The following CD163L1 variants were observed in gnomAD, a reference collection of about 807,000 sequenced individuals.
CD163L1 encodes scavenger receptor cysteine-rich type 1 protein M160.
A neutral mutation model predicts 165.4 loss-of-function variants in CD163L1; 124 were observed. The ratio of observed to expected loss-of-function variants is 0.75; its 90% confidence interval spans 0.65 to 0.87. The LOEUF (loss-of-function observed/expected upper bound fraction) is 0.87. Ranked by LOEUF, CD163L1 falls within the 40% of genes least tolerant of loss-of-function variation. The pLI, the probability that CD163L1 is intolerant of heterozygous loss-of-function variation, is 0.00. For synonymous variants in CD163L1, 585 were observed against 662.2 expected, an observed-to-expected ratio of 0.88 and a Z score of 1.79; for missense variants, 1,525 against 1,799.9, an observed-to-expected ratio of 0.85 and a Z score of 2.76.
intron 8 of CD163L1, among the ~76,000 whole-genome samples, chr12:7,386,346 A>AC (rs112999514): frequency 0.019 from 2,932 of 152,032 alleles, 87 homozygotes; most frequent in African/African-American, 0.064. Context: ...GACAAAGGAA[A>AC]CCCCAGGACT....
Position 7,398,641 on chromosome 12 carries a change from A to ATCTT in CD163L1, c.1409-58_1409-57insAAGA, listed in dbSNP as rs1260525399. ...TCAAATGAGAGAGTCTTTTCAGAAG[A>ATCTT]CTGAAAAGACTCTCTAAATTCACGA... On this transcript the variant is annotated intron_variant, in intron 6 of 19. Transcript: ENST00000313599. This position sits in a 1 kb window ranked among gnomAD's most constrained non-coding sequence, Gnocchi z 4.5. 41 of 1,377,702 alleles carry ATCTT rather than the reference A, an allele frequency of 3.0e-5. No individual in the cohort carries two copies. In the African/African-American group the frequency reaches 3.5e-4, roughly 12 times the overall value. 85.3% of individuals were successfully genotyped at this position (1,377,702 alleles called of 1,614,324 possible). A position where few individuals can be genotyped will look rare whatever the true frequency, so the allele number is the denominator to read the frequency against.
intron 8 of CD163L1, among the ~76,000 whole-genome samples, chr12:7,390,702 A>G (rs777546201): frequency 1.5e-4 from 23 of 152,334 alleles, no homozygotes; most frequent in Non-Finnish European, 2.8e-4. Context: ...GAGCTTAATG[A>G]TTCTTTAAAA....
chr12:7,392,976 C>G (rs905010602), intron 8 of CD163L1, among the ~76,000 whole-genome samples: 1 of 151,994 alleles, frequency 6.6e-6, no homozygotes, highest in African/African-American at 2.4e-5. Context: ...GATTCAGAGC[C>G]GAATTCTACC....
chr12:7,399,372 TTC>T (rs898830959), intron 6 of CD163L1, among the ~76,000 whole-genome samples: 1 of 63,178 alleles, frequency 1.6e-5, no homozygotes, highest in African/African-American at 7.4e-5. Context: ...TTCTCTTTCT[TTC>T]TCTGACTTCT....
intron 9 of CD163L1, among the ~76,000 whole-genome samples, chr12:7,376,371 A>G (rs974824784): frequency 6.6e-6 from 1 of 152,244 alleles, no homozygotes; most frequent in Non-Finnish European, 1.5e-5. Context: ...AAAGACTTCT[A>G]CTTACTGGTT....
the CD163L1 span, among the ~76,000 whole-genome samples, chr12:7,318,913 T>G: frequency 6.6e-6 from 1 of 152,210 alleles, no homozygotes; most frequent in Non-Finnish European, 1.5e-5. Context: ...GTCTGCAACC[T>G]TTTTGGTACC....
At position 7,375,333 on chromosome 12, in the gene CD163L1, A is replaced by G. The variant is rs1385938916; in HGVS notation, c.2949T>C (p.Val983=). The G allele has an allele frequency of 6.2e-7, 1 of 1,614,156 alleles. No individual in the cohort carries two copies. Among genetic ancestry groups the G allele is most frequent in the South Asian group, 1.1e-5 (1 of 91,076 alleles). Residue 983 remains valine, a synonymous_variant, in exon 11 of 20, where the codon GTT becomes GTC. Coordinates refer to ENST00000313599, the MANE Select transcript of CD163L1 (RefSeq NM_174941.6). ...ESLLDNCQMT[V]LGAPPCIHGN... ...CATGGATACAGGGAGGTGCTCCAAG[A>G]ACTGTCATTTGACAGTTATCCAGAA...
At chr12:7,320,471 A>C in the CD163L1 span, among the ~76,000 whole-genome samples, 3 of 152,242 alleles carry the variant, frequency 2.0e-5, no homozygotes, top group Non-Finnish European at 2.9e-5. Flanking sequence ...CAAATTAAGC[A>C]ATTCACTTGT....
intron 9 of CD163L1, among the ~76,000 whole-genome samples, chr12:7,378,462 T>C (rs1271055611): frequency 6.6e-6 from 1 of 152,188 alleles, no homozygotes; most frequent in Non-Finnish European, 1.5e-5. Context: ...AGTTCACAAT[T>C]CCTACTCCAT....
At chr12:7,383,938 C>A (rs1430455073) in intron 8 of CD163L1, among the ~76,000 whole-genome samples, 1 of 152,044 alleles carries the variant, frequency 6.6e-6, no homozygotes, top group Non-Finnish European at 1.5e-5. Flanking sequence ...TTCAAAGGAA[C>A]ACAATAATTT....
chr12:7,399,702 T>TA (rs774788021), intron 6 of CD163L1, among the ~76,000 whole-genome samples: 207 of 152,116 alleles, frequency 1.4e-3, no homozygotes, highest in African/African-American at 4.9e-3. Flanking sequence ...CCTTCAGGGT[T>TA]TAAGTGATCC....
intron 8 of CD163L1, among the ~76,000 whole-genome samples, chr12:7,386,605 A>T (rs991351523): frequency 1.1e-3 from 1 of 880 alleles, no homozygotes; most frequent in Non-Finnish European, 4.9e-3. Flanking sequence ...TCAACATATC[A>T]AAAAAAAAAA....
intron 8 of CD163L1, among the ~76,000 whole-genome samples, chr12:7,382,005 T>TTA (rs1947420225): frequency 6.8e-6 from 1 of 148,006 alleles, no homozygotes; most frequent in African/African-American, 2.4e-5. Flanking sequence ...AATTATATAT[T>TTA]TATATATAAT....
At chr12:7,435,213 C>T (rs1279475188) in intron 2 of CD163L1, among the ~76,000 whole-genome samples, 2 of 151,176 alleles carry the variant, frequency 1.3e-5, no homozygotes, top group East Asian at 1.9e-4. Context: ...TTAGACATAC[C>T]AAATTTCTAC....
the CD163L1 span, among the ~76,000 whole-genome samples, chr12:7,322,908 A>T: frequency 6.6e-6 from 1 of 152,150 alleles, no homozygotes; most frequent in East Asian, 1.9e-4. Context: ...TGGTTTTCAA[A>T]GTGTGGCCCT....
rs996358736 is a variant in CD163L1, at chr12:7,355,097, T to G, written c.*58A>C. Reference sequence around the variant, plus strand: ...GACTTCCTCTTTATTCATTTAAAAGTTGTTGTCTCCTTCAAAGATATTTAG... The same window carrying G: ...GACTTCCTCTTTATTCATTTAAAAGGTGTTGTCTCCTTCAAAGATATTTAG... On this transcript the variant is annotated 3_prime_UTR_variant, in exon 20 of 20. Transcript: ENST00000313599. 6.6e-6 allele frequency: 1 copy of G among 152,164 alleles called. No individual in the cohort carries two copies. Among genetic ancestry groups the G allele is most frequent in the African/African-American group, 2.4e-5 (1 of 41,452 alleles). 9.4% of individuals were successfully genotyped at this position (152,164 alleles called of 1,614,324 possible).
chr12:7,323,211 T>C, the CD163L1 span: 7 of 1,583,884 alleles, frequency 4.4e-6, no homozygotes, highest in East Asian at 4.5e-5. Context: ...TGTATACTTA[T>C]ACAAAGCTTG....
chr12:7,424,865 G>A (rs1357304816), intron 4 of CD163L1, among the ~76,000 whole-genome samples: 1 of 152,126 alleles, frequency 6.6e-6, no homozygotes, highest in Non-Finnish European at 1.5e-5. Context: ...AACATTCAAT[G>A]CTCATGGATA....
At chr12:7,383,485 G>A (rs1385129714) in intron 8 of CD163L1, among the ~76,000 whole-genome samples, 1 of 152,142 alleles carries the variant, frequency 6.6e-6, no homozygotes, top group Non-Finnish European at 1.5e-5. Flanking sequence ...AGATAAGCAA[G>A]CCACCTGGAA....
Sources: gnomAD v4.1 joint callset for allele counts (sites outside exome capture counted in the v4.1 genomes callset) on GRCh38, gnomAD v4.1.1 for gene constraint, Gnocchi (gnomAD v3.1) non-coding constraint, MANE v1.5 for transcripts, NCBI Gene and HGNC (gene_info 2026-07-23, HGNC 2026-07-21) for gene names.